ZPBP: variants seen among roughly 807,000 people sequenced by gnomAD.
The protein encoded by ZPBP is zona pellucida-binding protein 1.
A neutral mutation model predicts 44.8 loss-of-function variants in ZPBP; 26 were observed. The observed-to-expected ratio is 0.58, with a 90% CI of 0.43 to 0.81. The LOEUF (loss-of-function observed/expected upper bound fraction) is 0.81, where lower values mean the gene tolerates loss of function less well. ZPBP is among the 30% of genes least tolerant of loss of function. The pLI is 0.00. For synonymous variants in ZPBP, 174 were observed against 153.2 expected (o/e 1.14, Z -1.00); for missense variants, 409 against 434.0 (o/e 0.94, Z 0.51).
intron 7 of ZPBP, among the ~76,000 whole-genome samples, chr7:49,976,495 T>C (rs1483844575): frequency 6.6e-6 from 1 of 152,156 alleles, no homozygotes; most frequent in Non-Finnish European, 1.5e-5. Flanking sequence ...GTATCTGTCA[T>C]GCATTTCCAC....
At chr7:49,889,647 C>T (rs904379956) in intron 2 of ZPBP, among the ~76,000 whole-genome samples, 5 of 152,174 alleles carry the variant, frequency 3.3e-5, no homozygotes, top group Admixed American at 6.5e-5. Context: ...ACCCTTTTTG[C>T]TCCTTAAGTT....
At chr7:50,009,622 C>G (rs1392653913) in intron 6 of ZPBP, among the ~76,000 whole-genome samples, 1 of 151,992 alleles carries the variant, frequency 6.6e-6, no homozygotes, top group South Asian at 2.1e-4. Context: ...CATGTTAGAA[C>G]CATCCCTAAA....
intron 5 of ZPBP, among the ~76,000 whole-genome samples, chr7:50,027,202 T>C (rs150708980): frequency 3.0e-3 from 458 of 152,088 alleles, no homozygotes; most frequent in African/African-American, 9.5e-3. Context: ...TCTTCCCAAA[T>C]TGCAAGTTGA....
At chr7:50,017,556 T>A (rs980631248) in intron 6 of ZPBP, among the ~76,000 whole-genome samples, 2 of 152,066 alleles carry the variant, frequency 1.3e-5, no homozygotes, top group Non-Finnish European at 2.9e-5. Context: ...TAAGAAAGAA[T>A]CCCCTTGTCA....
intron 6 of ZPBP, among the ~76,000 whole-genome samples, chr7:50,000,691 T>C (rs184163736): frequency 2.6e-5 from 4 of 152,270 alleles, no homozygotes; most frequent in South Asian, 2.1e-4. Flanking sequence ...CAGGTAGTAT[T>C]TGAATGATGC....
intron 4 of ZPBP, among the ~76,000 whole-genome samples, chr7:50,052,687 G>A (rs762377743): frequency 4.6e-5 from 7 of 151,996 alleles, no homozygotes; most frequent in Admixed American, 1.3e-4. Context: ...AGCCAAAAAC[G>A]CAAAGCAACC....
intron 7 of ZPBP, among the ~76,000 whole-genome samples, chr7:49,959,214 A>G (rs765807401): frequency 5.3e-5 from 8 of 150,212 alleles, no homozygotes; most frequent in Non-Finnish European, 1.0e-4. Context: ...TTCTTTTGAC[A>G]TTTTTATTTA....
intron 4 of ZPBP, among the ~76,000 whole-genome samples, chr7:50,043,718 G>A (rs1800207104): frequency 6.6e-6 from 1 of 152,086 alleles, no homozygotes; most frequent in Non-Finnish European, 1.5e-5. Context: ...AATAATAGTA[G>A]GAGACTTTAA....
chr7:49,871,503 T>C (rs1791146142), intron 2 of ZPBP, among the ~76,000 whole-genome samples: 1 of 152,008 alleles, frequency 6.6e-6, no homozygotes, highest in African/African-American at 2.4e-5. Context: ...TACAGATGAG[T>C]TGGCTTGGTG....
Position 49,981,602 on chromosome 7 carries a change from A to ATTATAT in ZPBP, c.961+1739_961+1740insATATAA, listed in dbSNP as rs1554361029. 1.1e-3 allele frequency among the ~76,000 whole-genome samples: 40 copies of ATTATAT among 36,060 alleles called. 9 individuals are homozygous for ATTATAT. The highest frequency in any genetic ancestry group is 4.4e-3 in the African/African-American group (31 of 7,090). The allele number at this position is 36,060 out of a possible 152,430, so 23.7% of individuals were successfully genotyped here. On this transcript the variant is annotated intron_variant, in intron 7 of 7. Coordinates refer to ENST00000046087, the MANE Select transcript of ZPBP (RefSeq NM_007009.3). ...AAATTATATATTATATAATTATATA[A>ATTATAT]ATTATATAATTATATTATATTATAT...
chr7:50,078,964 A>C (rs1802237012), intron 3 of ZPBP, among the ~76,000 whole-genome samples: 1 of 151,582 alleles, frequency 6.6e-6, no homozygotes, highest in South Asian at 2.1e-4. Flanking sequence ...AAGATACTCA[A>C]CATAACTAGT....
chr7:50,062,291 CA>C (rs1801283073), intron 3 of ZPBP, among the ~76,000 whole-genome samples: 1 of 152,092 alleles, frequency 6.6e-6, no homozygotes, highest in East Asian at 1.9e-4. Flanking sequence ...ATCAAATTAC[CA>C]GTGAAATTTT....
intron 6 of ZPBP, among the ~76,000 whole-genome samples, chr7:50,010,908 C>CAAAAAAA (rs71554292): frequency 7.6e-4 from 70 of 92,404 alleles, no homozygotes; most frequent in African/African-American, 1.6e-3. Context: ...CAAGACCAAG[C>CAAAAAAA]AAAAAAAAAA....
intron 1 of ZPBP, among the ~76,000 whole-genome samples, chr7:49,930,374 A>G (rs1794405973): frequency 2.0e-5 from 3 of 152,246 alleles, no homozygotes; most frequent in African/African-American, 7.2e-5. Context: ...GAGTAACAGT[A>G]ACTCACAAAC....
At chr7:49,893,141 A>C (rs1438426026) in intron 2 of ZPBP, among the ~76,000 whole-genome samples, 1 of 152,214 alleles carries the variant, frequency 6.6e-6, no homozygotes, top group Non-Finnish European at 1.5e-5. Context: ...TTTAGCCTTT[A>C]AAAATGGAGA....
chr7:49,963,523 T>G (rs1353213580), intron 7 of ZPBP, among the ~76,000 whole-genome samples: 1 of 151,816 alleles, frequency 6.6e-6, no homozygotes, highest in Non-Finnish European at 1.5e-5. Context: ...GTGGTATATT[T>G]AATAAGTGAT....
At chr7:50,065,514 C>T (rs554449942) in intron 3 of ZPBP, among the ~76,000 whole-genome samples, 9 of 150,982 alleles carry the variant, frequency 6.0e-5, no homozygotes, top group South Asian at 2.1e-4. Context: ...TCTTATCAGG[C>T]GATACAGTAC....
At chr7:49,944,935 A>G (rs1054944110) in intron 7 of ZPBP, among the ~76,000 whole-genome samples, 3 of 151,986 alleles carry the variant, frequency 2.0e-5, no homozygotes, top group African/African-American at 7.2e-5. Context: ...AAGATGTATC[A>G]ATAGGTTGCT....
intron 6 of ZPBP, among the ~76,000 whole-genome samples, chr7:50,000,564 C>T (rs948157771): frequency 1.4e-4 from 22 of 152,138 alleles, no homozygotes; most frequent in African/African-American, 5.1e-4. Flanking sequence ...CCCTACCTTG[C>T]TACCTGTTCT....
Sources: allele counts gnomAD v4.1 joint callset (sites outside exome capture counted in the v4.1 genomes callset), GRCh38; gene constraint gnomAD v4.1.1; transcripts MANE v1.5; gene names NCBI Gene and HGNC (gene_info 2026-07-23, HGNC 2026-07-21).